The following CERS6 variants were observed in gnomAD, a reference collection of about 807,000 sequenced individuals.
CERS6 encodes the protein ceramide synthase 6, also known as LAG1 homolog, ceramide synthase 6.
In CERS6, 26 loss-of-function variants were observed where a neutral mutation model predicts 56.8. The ratio of observed to expected loss-of-function variants is 0.46; its 90% CI spans 0.34 to 0.63. The LOEUF is 0.63. Among genes scored for constraint, CERS6 ranks in the 30% least tolerant of loss-of-function variants. CERS6 has a pLI of 0.01. For synonymous variants in CERS6, 164 were observed against 173.3 expected, an observed-to-expected ratio of 0.95 and a Z score of 0.42; for missense variants, 415 against 467.5, an observed-to-expected ratio of 0.89 and a Z score of 1.04.
intron 1 of CERS6, among the ~76,000 whole-genome samples, chr2:168,503,182 T>A (rs1025207629): frequency 6.6e-6 from 1 of 152,176 alleles, no homozygotes; most frequent in Non-Finnish European, 1.5e-5. Context: ...AAGATGTGCC[T>A]ACTTCCCCTT....
rs570281639 is a variant in CERS6, at chr2:168,692,990, A to G, written c.516+1906A>G. ...GGTGAAAAAGTAGTGGTCTACTTCA[A>G]TTTTATTAAGGATACACTTATTTTA... On this transcript the variant is annotated intron_variant, in intron 5 of 9. Transcript: ENST00000305747. Among the ~76,000 whole-genome samples the G allele has an allele frequency of 1.5e-4, 23 of 152,296 alleles. 1 individual carries two copies. Among genetic ancestry groups the G allele is most frequent in the African/African-American group, 4.1e-4 (17 of 41,574 alleles).
intron 8 of CERS6, among the ~76,000 whole-genome samples, chr2:168,718,296 G>A (rs113603065): frequency 6.2e-4 from 94 of 152,300 alleles, no homozygotes; most frequent in Non-Finnish European, 9.0e-4. Context: ...GAAAGAAACC[G>A]TGGTGTTGCA....
intron 4 of CERS6, among the ~76,000 whole-genome samples, chr2:168,640,408 C>G (rs997891842): frequency 7.2e-5 from 11 of 152,172 alleles, no homozygotes; most frequent in Non-Finnish European, 1.0e-4. Context: ...TCTGTTCATA[C>G]TGGTGGGAGA....
intron 1 of CERS6, among the ~76,000 whole-genome samples, chr2:168,524,994 G>A (rs1392873761): frequency 6.6e-6 from 1 of 152,156 alleles, no homozygotes; most frequent in Admixed American, 6.6e-5. Context: ...GATGTTGGAG[G>A]ATTGTCATGT....
In CERS6 at chr2:168,617,613, C is replaced by T. The variant is rs58315204; in HGVS notation, c.408-13372C>T. ...AGGCTACTATAAACACCTCTACACC[C>T]GTAAACCAGAAAACCTAGAGGAGAT... On this transcript the variant is annotated intron_variant, in intron 3 of 9. Transcript: ENST00000305747. Among the ~76,000 whole-genome samples, 1,075 of 152,172 alleles carry T rather than the reference C, an allele frequency of 7.1e-3. 12 individuals are homozygous for T. The highest frequency in any genetic ancestry group is 0.024 in the African/African-American group (1,015 of 41,520).
chr2:168,468,431 C>T (rs931368341), intron 1 of CERS6, among the ~76,000 whole-genome samples: 3 of 152,174 alleles, frequency 2.0e-5, no homozygotes, highest in African/African-American at 7.2e-5. Context: ...GTGTTTTGGC[C>T]CTGCCACTTG....
intron 4 of CERS6, among the ~76,000 whole-genome samples, chr2:168,631,751 A>T (rs1301061995): frequency 6.7e-5 from 8 of 119,890 alleles, no homozygotes; most frequent in African/African-American, 2.2e-4. Context: ...AATTATATAT[A>T]TTTTCATATT....
At position 168,717,958 on chromosome 2, in the gene CERS6, A is replaced by G. The variant is rs2105393112; in HGVS notation, c.825A>G (p.Arg275=). 2 of 1,612,876 alleles carry G rather than the reference A, an allele frequency of 1.2e-6. No homozygotes were observed. The highest frequency in any genetic ancestry group is 1.7e-4 in the Middle Eastern group (1 of 6,056). Residue 275 remains arginine (R), a synonymous_variant, in exon 8 of 10, where the codon CGA becomes CGG. Transcript: ENST00000305747. ...TTGCCGTGGTTTTTATCACCACACG[A>G]CTGGGTATATTTCCTCTCTGGTGAG... is the stretch of plus-strand genomic sequence containing the variant. ...VMFAVVFITT[R]LGIFPLWVLN... is the part of the protein sequence containing the mutation.
chr2:168,512,330 A>T (rs146469419), intron 1 of CERS6, among the ~76,000 whole-genome samples: 1,589 of 152,298 alleles, frequency 0.01, 21 homozygotes, highest in Middle Eastern at 0.044. Context: ...TGGTTAATAC[A>T]GTAAATTTTT....
At chr2:168,672,192 A>G (rs1195769943) in intron 4 of CERS6, among the ~76,000 whole-genome samples, 1 of 152,230 alleles carries the variant, frequency 6.6e-6, no homozygotes, top group African/African-American at 2.4e-5. Flanking sequence ...AGTCATTTGT[A>G]TACCTTGGCC....
intron 8 of CERS6, among the ~76,000 whole-genome samples, chr2:168,759,315 T>C (rs1574225812): frequency 6.6e-6 from 1 of 152,304 alleles, no homozygotes; most frequent in East Asian, 1.9e-4. Context: ...AACCTGTAGA[T>C]CAAGTGTTTT....
At chr2:168,652,263 A>C (rs1325866640) in intron 4 of CERS6, among the ~76,000 whole-genome samples, 1 of 151,976 alleles carries the variant, frequency 6.6e-6, no homozygotes, top group Non-Finnish European at 1.5e-5. Flanking sequence ...CTGCCAGTTG[A>C]CCTCCGGATT....
In CERS6 at chr2:168,512,798, G is replaced by A. The variant is rs559451072; in HGVS notation, c.171-34798G>A. ...TTCTCCTGCTTCAGCCTCCAGAGTC[G>A]CTGGGACTACAGATGCCCACCACCA... On this transcript the variant is annotated intron_variant, in intron 1 of 9. Transcript: ENST00000305747. Among the ~76,000 whole-genome samples, 8 of 151,782 alleles carry A rather than the reference G, an allele frequency of 5.3e-5. No individual in the cohort carries two copies. In the East Asian group the frequency reaches 1.4e-3, roughly 26 times the overall value.
At chr2:168,660,544 A>G (rs1028946071) in intron 4 of CERS6, among the ~76,000 whole-genome samples, 7 of 152,202 alleles carry the variant, frequency 4.6e-5, no homozygotes, top group Non-Finnish European at 8.8e-5. Flanking sequence ...GAACAAACAT[A>G]TGGTAAGAAA....
chr2:168,690,559 A>G (rs959535220), intron 4 of CERS6, among the ~76,000 whole-genome samples: 7 of 152,200 alleles, frequency 4.6e-5, no homozygotes, highest in Non-Finnish European at 7.4e-5. Context: ...CTTAAGAAGT[A>G]TACCTGCATG....
chr2:168,645,140 T>TAGAG (rs1258824707), intron 4 of CERS6, among the ~76,000 whole-genome samples: 2 of 23,646 alleles, frequency 8.5e-5, no homozygotes, highest in African/African-American at 4.0e-4. Context: ...TATATATATA[T>TAGAG]ATAGAGAGAG....
At chr2:168,525,691 A>T (rs1357406283) in intron 1 of CERS6, among the ~76,000 whole-genome samples, 1 of 152,222 alleles carries the variant, frequency 6.6e-6, no homozygotes, top group Admixed American at 6.5e-5. Context: ...CCTAATGGGG[A>T]CAAAGAAAAA....
intron 8 of CERS6, among the ~76,000 whole-genome samples, chr2:168,729,526 G>T (rs1217071838): frequency 6.6e-6 from 1 of 152,182 alleles, no homozygotes; most frequent in African/African-American, 2.4e-5. Flanking sequence ...GGACTGCCAT[G>T]TGCCTGTCCT....
intron 4 of CERS6, among the ~76,000 whole-genome samples, chr2:168,689,068 G>A (rs965740642): frequency 2.0e-5 from 3 of 152,152 alleles, no homozygotes; most frequent in African/African-American, 2.4e-5. Context: ...ATCCTTAGGG[G>A]CAAGCACACA....
Sources: allele counts gnomAD v4.1 joint callset (sites outside exome capture counted in the v4.1 genomes callset), GRCh38; gene constraint gnomAD v4.1.1; transcripts MANE v1.5; gene names NCBI Gene and HGNC (gene_info 2026-07-23, HGNC 2026-07-21).